TMEFF2: variants seen among roughly 807,000 people sequenced by gnomAD.
TMEFF2 encodes tomoregulin-2.
In TMEFF2, 28 loss-of-function variants were observed where a neutral mutation model predicts 53.8. The observed-to-expected ratio is 0.52, with a 90% CI of 0.39 to 0.71. TMEFF2 has a LOEUF of 0.71. Among genes scored for constraint, TMEFF2 ranks in the 30% least tolerant of loss-of-function variants. The pLI, the probability that TMEFF2 is intolerant of heterozygous loss-of-function variation, is 0.00. For synonymous variants in TMEFF2, 162 were observed against 166.3 expected, an observed-to-expected ratio of 0.97 and a Z score of 0.20; for missense variants, 353 against 455.2, an observed-to-expected ratio of 0.78 and a Z score of 2.04.
intron 7 of TMEFF2, among the ~76,000 whole-genome samples, chr2:191,971,602 C>T (rs561068593): frequency 2.8e-4 from 42 of 152,268 alleles, no homozygotes; most frequent in Non-Finnish European, 4.6e-4. Context: ...AGGTAACAAA[C>T]ATGTTTTCTC....
At chr2:192,107,080 A>C (rs377014348) in intron 4 of TMEFF2, among the ~76,000 whole-genome samples, 24 of 151,922 alleles carry the variant, frequency 1.6e-4, no homozygotes, top group African/African-American at 5.8e-4. Flanking sequence ...TATAAGGCTG[A>C]AAAGAGAGTT....
In TMEFF2 at chr2:192,132,375, G is replaced by A. The variant is rs936223694; in HGVS notation, c.439+47293C>T. Among the ~76,000 whole-genome samples, 10 of 151,908 alleles carry A rather than the reference G, an allele frequency of 6.6e-5. No homozygotes were observed. In the East Asian group the frequency reaches 1.2e-3, roughly 18 times the overall value. Reference sequence around the variant, plus strand: ...AAAAACCCAGCCCAGTTCATGGCTCGTTCGGCAGCAACCCTGAGACGCTTT... The same window carrying A: ...AAAAACCCAGCCCAGTTCATGGCTCATTCGGCAGCAACCCTGAGACGCTTT... On this transcript the variant is annotated intron_variant, in intron 4 of 9. Coordinates refer to ENST00000272771, the MANE Select transcript of TMEFF2 (RefSeq NM_016192.4).
chr2:192,132,037 TC>T, intron 4 of TMEFF2, among the ~76,000 whole-genome samples: 1 of 152,180 alleles, frequency 6.6e-6, no homozygotes, highest in South Asian at 2.1e-4. Flanking sequence ...GTCCCCTCAG[TC>T]CCAACCCCAA....
chr2:192,046,683 C>G (rs1574323159), intron 5 of TMEFF2, among the ~76,000 whole-genome samples: 1 of 152,246 alleles, frequency 6.6e-6, no homozygotes, highest in South Asian at 2.1e-4. Context: ...TTTTTCTTTT[C>G]TTTCTTCCCC....
intron 7 of TMEFF2, among the ~76,000 whole-genome samples, chr2:191,967,698 T>TC (rs1559065284): frequency 6.6e-6 from 1 of 152,104 alleles, no homozygotes; most frequent in South Asian, 2.1e-4. Flanking sequence ...GCACCCTGGA[T>TC]CCCCCTTCCT....
intron 5 of TMEFF2, among the ~76,000 whole-genome samples, chr2:192,049,127 A>G (rs1273876593): frequency 2.0e-5 from 3 of 149,258 alleles, no homozygotes; most frequent in Non-Finnish European, 3.0e-5. Context: ...TCTATCCTGA[A>G]TATATAAGAT....
chr2:191,992,510 G>C (rs569120300), intron 7 of TMEFF2, among the ~76,000 whole-genome samples: 2 of 151,974 alleles, frequency 1.3e-5, no homozygotes, highest in African/African-American at 4.8e-5. Flanking sequence ...GTCCGGTTCC[G>C]GCTCAGCCAC....
At chr2:192,000,468 A>C (rs989631004) in intron 5 of TMEFF2, among the ~76,000 whole-genome samples, 2 of 152,172 alleles carry the variant, frequency 1.3e-5, no homozygotes, top group African/African-American at 2.4e-5. Flanking sequence ...CCCTCTCTCT[A>C]ATACCACAGA....
chr2:192,023,564 G>A (rs547179278), intron 5 of TMEFF2, among the ~76,000 whole-genome samples: 1 of 152,178 alleles, frequency 6.6e-6, no homozygotes, highest in South Asian at 2.1e-4. Flanking sequence ...GCTGGAGGTA[G>A]GGGTGGGCAC....
At position 192,194,586 on chromosome 2, in the gene TMEFF2, C is replaced by T; in HGVS notation, c.-62G>A. ...CCGAGGAACACAGGATCGCGGGGGC[C>T]GGGCAGCGGGCTACTGAGCATCCCG... On this transcript the variant is annotated 5_prime_UTR_variant, in exon 1 of 10. Coordinates refer to ENST00000272771, the MANE Select transcript of TMEFF2 (RefSeq NM_016192.4). This position sits in a 1 kb window ranked among gnomAD's most constrained non-coding sequence, Gnocchi z 4.2. 1 of 1,566,590 alleles carries T rather than the reference C, an allele frequency of 6.4e-7. No homozygotes were observed. Among genetic ancestry groups the T allele is most frequent in the Non-Finnish European group, 8.7e-7 (1 of 1,149,148 alleles).
intron 7 of TMEFF2, among the ~76,000 whole-genome samples, chr2:191,989,662 A>T (rs538593941): frequency 1.5e-4 from 23 of 152,230 alleles, no homozygotes; most frequent in African/African-American, 5.3e-4. Flanking sequence ...ACCTGCCCTG[A>T]TCATGAATTT....
At chr2:191,978,996 T>C (rs1685796750) in intron 7 of TMEFF2, among the ~76,000 whole-genome samples, 1 of 152,152 alleles carries the variant, frequency 6.6e-6, no homozygotes, top group Non-Finnish European at 1.5e-5. Context: ...AGGAAAAATA[T>C]AGTTTAATTG....
intron 4 of TMEFF2, among the ~76,000 whole-genome samples, chr2:192,117,510 A>C (rs919807625): frequency 6.6e-6 from 1 of 152,070 alleles, no homozygotes; most frequent in Non-Finnish European, 1.5e-5. Context: ...TAAAAAGAAA[A>C]TTTTTTGTTT....
At chr2:192,101,802 T>A (rs1689036785) in intron 4 of TMEFF2, among the ~76,000 whole-genome samples, 1 of 152,184 alleles carries the variant, frequency 6.6e-6, no homozygotes, top group Non-Finnish European at 1.5e-5. Flanking sequence ...TGTACTCTCT[T>A]GTAACGAAAT....
chr2:192,192,892 G>A (rs1046417407), intron 1 of TMEFF2, among the ~76,000 whole-genome samples: 3 of 152,126 alleles, frequency 2.0e-5, no homozygotes, highest in South Asian at 2.1e-4. Flanking sequence ...ACACATGTAC[G>A]CATGAATCAA....
chr2:192,091,068 C>G (rs2087248692), intron 4 of TMEFF2, among the ~76,000 whole-genome samples: 1 of 152,126 alleles, frequency 6.6e-6, no homozygotes, highest in Non-Finnish European at 1.5e-5. Flanking sequence ...TCTTTCACCT[C>G]CAGTCCTCTG....
chr2:192,095,133 T>TC (rs1238052258), intron 4 of TMEFF2, among the ~76,000 whole-genome samples: 1 of 152,186 alleles, frequency 6.6e-6, no homozygotes, highest in Non-Finnish European at 1.5e-5. Context: ...TTCTTAGTTA[T>TC]CCACAGCCAG....
chr2:192,090,628 T>C (rs1688768907), intron 4 of TMEFF2, among the ~76,000 whole-genome samples: 1 of 152,170 alleles, frequency 6.6e-6, no homozygotes, highest in Non-Finnish European at 1.5e-5. Context: ...TGATCATTGA[T>C]GTAGGAGCAC....
At chr2:192,003,930 G>T (rs11686335) in intron 5 of TMEFF2, among the ~76,000 whole-genome samples, 1,680 of 121,160 alleles carry the variant, frequency 0.014, 83 homozygotes, top group African/African-American at 0.052. Context: ...TGTGTGTGTG[G>T]GGGGGGGGCT....
Sources: allele counts gnomAD v4.1 joint callset (sites outside exome capture counted in the v4.1 genomes callset), GRCh38; gene constraint gnomAD v4.1.1; non-coding constraint Gnocchi (gnomAD v3.1); transcripts MANE v1.5; gene names NCBI Gene and HGNC (gene_info 2026-07-23, HGNC 2026-07-21).